Variants in GYG2 observed in about 807,000 individuals in gnomAD.
The protein encoded by GYG2 is glycogenin-2.
Under a neutral mutation model 29.4 loss-of-function variants are expected in GYG2, and 29 were observed. The ratio of observed to expected loss-of-function variants is 0.99; its 90% CI spans 0.74 to 1.35. The LOEUF (loss-of-function observed/expected upper bound fraction) is 1.35. GYG2 is among the 40% of genes most tolerant of loss of function. The pLI is 0.00. For synonymous variants in GYG2, 167 were observed against 172.3 expected, an observed-to-expected ratio of 0.97 and a Z score of 0.24; for missense variants, 370 against 385.7, an observed-to-expected ratio of 0.96 and a Z score of 0.34.
Position 2,859,999 on chromosome X carries a change from G to A in GYG2, c.771G>A (p.Gln257=). 8.3e-7 allele frequency: 1 copy of A among 1,205,947 alleles called. No homozygotes were observed. Among genetic ancestry groups the A allele is most frequent in the South Asian group, 1.8e-5 (1 of 55,880 alleles). Residue 257 remains glutamine (Q), a synonymous_variant, in exon 7 of 11, where the codon CAG becomes CAA. Coordinates refer to ENST00000398806, the MANE Select transcript of GYG2 (RefSeq NM_001079855.2). ...AFLHLWWTVY[Q]NNVLPLYKSV... ...TTCATCTCTGGTGGACGGTCTACCAGAACAACGTGCTGCCCCTTTATAAAA... is the reference window on the plus strand; with the variant it reads ...TTCATCTCTGGTGGACGGTCTACCAAAACAACGTGCTGCCCCTTTATAAAA...
intron 2 of GYG2, among the ~76,000 whole-genome samples, chrX:2,833,609 A>G (rs1036042249): frequency 3.6e-5 from 4 of 111,641 alleles, no homozygotes; most frequent in Non-Finnish European, 7.5e-5. Context: ...GCCAGTTCGC[A>G]TAGTTGTCAC....
chrX:2,855,220 A>G (rs1198171085), intron 5 of GYG2, 65 bp downstream of exon 5: 13 of 996,542 alleles, frequency 1.3e-5, no homozygotes, highest in Non-Finnish European at 1.8e-5. Flanking sequence ...CAGATGTAAC[A>G]CGAAGTCAGC....
intron 10 of GYG2, among the ~76,000 whole-genome samples, chrX:2,879,346 C>T (rs2088666912): frequency 9.4e-6 from 1 of 106,346 alleles, no homozygotes; most frequent in Admixed American, 1.0e-4. Flanking sequence ...CGGCTCACTG[C>T]AACCTCCGCC....
At chrX:2,844,524 G>A (rs184978572) in intron 3 of GYG2, among the ~76,000 whole-genome samples, 148 of 67,605 alleles carry the variant, frequency 2.2e-3, no homozygotes, top group East Asian at 7.1e-3. Context: ...ATACGCACAC[G>A]CATGCGTATA....
At chrX:2,869,495 ATTTAGGGGAGCTGAAACACAGATTTTT>A (rs2088401701) in intron 8 of GYG2, among the ~76,000 whole-genome samples, 1 of 111,782 alleles carries the variant, frequency 8.9e-6, no homozygotes, top group Non-Finnish European at 1.9e-5. Flanking sequence ...TGGGTTTTTT[ATTTAGGGGAGCTGAAACACAGATTTTT>A]AAAAAAAGTT....
intron 3 of GYG2, among the ~76,000 whole-genome samples, chrX:2,852,012 T>A (rs191559498): frequency 6.9e-4 from 78 of 112,303 alleles, no homozygotes; most frequent in African/African-American, 2.5e-3. Flanking sequence ...CCCAGCACTT[T>A]GTGAGACTGA....
intron 8 of GYG2, among the ~76,000 whole-genome samples, chrX:2,865,370 C>T (rs1569070371): frequency 8.9e-6 from 1 of 111,743 alleles, no homozygotes; most frequent in Non-Finnish European, 1.9e-5. Flanking sequence ...TCTAAAACAG[C>T]GCCCGTCATG....
At chrX:2,864,233 C>T (rs1376297368) in intron 8 of GYG2, among the ~76,000 whole-genome samples, 2 of 112,018 alleles carry the variant, frequency 1.8e-5, no homozygotes, top group African/African-American at 6.5e-5. Flanking sequence ...CATGTGCCCA[C>T]GGTGGTCGGG....
intron 8 of GYG2, among the ~76,000 whole-genome samples, chrX:2,871,742 A>G (rs866805242): frequency 6.4e-5 from 7 of 109,546 alleles, no homozygotes; most frequent in Admixed American, 5.9e-4. Flanking sequence ...ATAAAATTCT[A>G]TATACATTAT....
At position 2,881,396 on chromosome X, in the gene GYG2, C is replaced by T; in HGVS notation, c.*183C>T. 1 of 384,481 alleles carries T rather than the reference C, an allele frequency of 2.6e-6. No individual in the cohort carries two copies. Among genetic ancestry groups the T allele is most frequent in the South Asian group, 6.2e-5 (1 of 16,109 alleles). The allele number at this position is 384,481 out of a possible 1,213,427, so 31.7% of individuals were successfully genotyped here. ...GAGTATAGAAATCCACCTTAAAGCCCCTCGCCCCAACTTCTCCACCAACGC... is the reference window on the plus strand; with the variant it reads ...GAGTATAGAAATCCACCTTAAAGCCTCTCGCCCCAACTTCTCCACCAACGC... On this transcript the variant is annotated 3_prime_UTR_variant, in exon 11 of 11. Coordinates refer to ENST00000398806, the MANE Select transcript of GYG2 (RefSeq NM_001079855.2).
chrX:2,832,301 A>G (rs1001249256), intron 2 of GYG2, among the ~76,000 whole-genome samples: 3 of 112,081 alleles, frequency 2.7e-5, no homozygotes, highest in African/African-American at 6.5e-5. Context: ...TCGTGTGCCA[A>G]CTGGTGTTGT....
chrX:2,838,452 C>CCCTTCCTCCTT (rs767107384), intron 2 of GYG2, among the ~76,000 whole-genome samples: 23 of 72,699 alleles, frequency 3.2e-4, no homozygotes, highest in East Asian at 1.4e-3. Context: ...CCCCTCCCCT[C>CCCTTCCTCCTT]CCCTCCCTTC....
intron 3 of GYG2, among the ~76,000 whole-genome samples, chrX:2,848,689 A>G (rs1267641683): frequency 9.0e-6 from 1 of 111,609 alleles, no homozygotes; most frequent in Admixed American, 9.6e-5. Flanking sequence ...TAAAGAGTGT[A>G]ATTGAGTTGC....
intron 2 of GYG2, among the ~76,000 whole-genome samples, chrX:2,839,946 G>A (rs767104606): frequency 8.9e-6 from 1 of 112,260 alleles, no homozygotes; most frequent in Non-Finnish European, 1.9e-5. Flanking sequence ...TGGTGAGAAT[G>A]TCCTCGGATT....
intron 8 of GYG2, among the ~76,000 whole-genome samples, chrX:2,875,160 C>T (rs780365492): frequency 8.9e-6 from 1 of 112,054 alleles, no homozygotes; most frequent in Non-Finnish European, 1.9e-5. Flanking sequence ...GTATCCTCTA[C>T]CCCATGCAGC....
At chrX:2,857,712 C>T (rs191358310) in intron 6 of GYG2, among the ~76,000 whole-genome samples, 138 of 111,004 alleles carry the variant, frequency 1.2e-3, no homozygotes, top group African/African-American at 4.3e-3. Context: ...ACACACATCT[C>T]GTTTCCTGCT....
intron 9 of GYG2, among the ~76,000 whole-genome samples, chrX:2,876,488 ATC>A (rs1325458865): frequency 9.0e-6 from 1 of 111,162 alleles, no homozygotes; most frequent in East Asian, 2.8e-4. Flanking sequence ...AACAAGTCAA[ATC>A]TCTCTCTGAA....
intron 6 of GYG2, among the ~76,000 whole-genome samples, chrX:2,858,577 A>G (rs1255007859): frequency 8.9e-6 from 1 of 112,119 alleles, no homozygotes; most frequent in South Asian, 3.7e-4. Flanking sequence ...AGATATGGCT[A>G]TAAATGAAAA....
At chrX:2,853,848 C>T in intron 3 of GYG2, 132 bp from the exon 4 acceptor site, 2 of 482,060 alleles carry the variant, frequency 4.1e-6, no homozygotes, top group Non-Finnish European at 7.3e-6. Flanking sequence ...ATGGAGACCG[C>T]AGTGAGGGCT....
Sources: allele counts gnomAD v4.1 joint callset (sites outside exome capture counted in the v4.1 genomes callset), GRCh38; gene constraint gnomAD v4.1.1; transcripts MANE v1.5; gene names NCBI Gene and HGNC (gene_info 2026-07-23, HGNC 2026-07-21).